Variants in CEP152 observed in about 807,000 individuals in gnomAD.
CEP152 encodes the protein centrosomal protein 152.
In CEP152, 132 loss-of-function variants were observed where a neutral mutation model predicts 188.9. The ratio of observed to expected loss-of-function variants is 0.70; its 90% CI spans 0.61 to 0.81. The LOEUF is 0.81. Among genes scored for constraint, CEP152 ranks in the 30% least tolerant of loss-of-function variants. The probability of loss-of-function intolerance (pLI) is 0.00; values close to 1 mark genes in which losing one functional copy is unlikely to be tolerated. For synonymous variants in CEP152, 649 were observed against 666.6 expected (o/e 0.97, Z 0.41); for missense variants, 1,914 against 1,969.8 (o/e 0.97, Z 0.54).
chr15:48,754,604 C>T (rs535548485), intron 20 of CEP152, among the ~76,000 whole-genome samples: 5 of 152,134 alleles, frequency 3.3e-5, no homozygotes, highest in Non-Finnish European at 5.9e-5. Context: ...AAGGCAACTA[C>T]TCGGTAGCAA....
chr15:48,761,876 T>C (rs926282590), intron 18 of CEP152, among the ~76,000 whole-genome samples: 2 of 152,216 alleles, frequency 1.3e-5, no homozygotes, highest in Non-Finnish European at 2.9e-5. Flanking sequence ...AAGCTAGTTT[T>C]GTGAGTGCCT....
At chr15:48,755,044 C>T (rs566264390) in intron 20 of CEP152, among the ~76,000 whole-genome samples, 1 of 151,794 alleles carries the variant, frequency 6.6e-6, no homozygotes, top group South Asian at 2.1e-4. Context: ...CCTCTAATCC[C>T]AAATGTTGAA....
chr15:48,758,784 A>G (rs1046704901), intron 19 of CEP152, among the ~76,000 whole-genome samples: 12 of 150,994 alleles, frequency 7.9e-5, no homozygotes, highest in African/African-American at 2.2e-4. Context: ...CATTATCTCT[A>G]GGAGGAAAGC....
At chr15:48,783,138 A>G (rs948582311) in intron 10 of CEP152, 1 of 152,226 alleles carries the variant, frequency 6.6e-6, no homozygotes, top group Admixed American at 6.5e-5. Flanking sequence ...TGTTTTCACA[A>G]TGTGAGCTAC....
intron 1 of CEP152, among the ~76,000 whole-genome samples, chr15:48,807,460 AAGG>A (rs1898053851): frequency 6.6e-6 from 1 of 152,020 alleles, no homozygotes; most frequent in Non-Finnish European, 1.5e-5. Flanking sequence ...GAGGCTGAGG[AAGG>A]AGAAGGGCGT....
intron 21 of CEP152, among the ~76,000 whole-genome samples, chr15:48,749,932 C>A (rs1747069427): frequency 6.6e-6 from 1 of 151,884 alleles, no homozygotes; most frequent in South Asian, 2.1e-4. Flanking sequence ...ATTTACTGTA[C>A]TAAGGTTAAA....
rs866776931 is a variant in CEP152, at chr15:48,752,481, T to C, written c.3346-12A>G. 1 of 1,612,890 alleles carries C rather than the reference T, an allele frequency of 6.2e-7. No homozygotes were observed. Among genetic ancestry groups the C allele is most frequent in the African/African-American group, 1.3e-5 (1 of 75,012 alleles). On this transcript the variant is annotated splice_polypyrimidine_tract_variant and intron_variant, in intron 20 of 26. Transcript: ENST00000380950. The stretch of plus-strand genomic sequence containing the variant: ...TCGGCCATATTTCTCTGAAATAAAG[T>C]ATCTTCAAAGTTAATGCTTAGTAAA...
chr15:48,787,371 A>G (rs1896731350), intron 9 of CEP152, among the ~76,000 whole-genome samples: 1 of 151,654 alleles, frequency 6.6e-6, no homozygotes, highest in Non-Finnish European at 1.5e-5. Flanking sequence ...AGGATTCACT[A>G]TTTTGCCCAG....
downstream of CEP152, among the ~76,000 whole-genome samples, chr15:48,733,646 A>G (rs1028151765): frequency 6.6e-6 from 1 of 152,206 alleles, no homozygotes; most frequent in Non-Finnish European, 1.5e-5. Flanking sequence ...TATTAAAAGG[A>G]TAAATCTAGA....
Position 48,756,127 on chromosome 15 carries a change from G to T in CEP152, c.3121C>A (p.Gln1041Lys). ...ACAGTCAGGATGTCTTCCTCATACT[G>T]ATAGATTTCCAGTTGGATCCGCTTG... ...EAKRIQLEIY[Q>K]YEEDILTVLG... is the part of the protein sequence containing the mutation. Residue 1041 changes from glutamine (Q) to lysine (K), a missense_variant, in exon 20 of 27, where the codon CAG becomes AAG. By Grantham distance (53) the Gln-to-Lys change is moderately conservative. Transcript: ENST00000380950. The T allele has an allele frequency of 6.2e-7, 1 of 1,614,060 alleles. No individual in the cohort carries two copies.
At chr15:48,781,508 T>C in intron 11 of CEP152, 149 bp from the exon 12 acceptor site, 1 of 622,582 alleles carries the variant, frequency 1.6e-6, no homozygotes, top group Non-Finnish European at 2.8e-6. Flanking sequence ...TTTATAAAGG[T>C]CGGCATATAT....
chr15:48,798,302 T>C (rs1296961577), intron 2 of CEP152, among the ~76,000 whole-genome samples: 2 of 151,628 alleles, frequency 1.3e-5, no homozygotes, highest in South Asian at 2.1e-4. Flanking sequence ...TAAATACACA[T>C]AGAGCAGAAT....
intron 22 of CEP152, among the ~76,000 whole-genome samples, chr15:48,746,761 C>T (rs941775969): frequency 6.6e-6 from 1 of 152,036 alleles, no homozygotes; most frequent in Admixed American, 6.6e-5. Flanking sequence ...GAAGTACAGA[C>T]AGCAAATGAT....
At chr15:48,788,326 CTTTTTTTTTTTT>C (rs538514112) in intron 9 of CEP152, among the ~76,000 whole-genome samples, 3 of 97,064 alleles carry the variant, frequency 3.1e-5, no homozygotes, top group Non-Finnish European at 6.1e-5. Flanking sequence ...TCACTGGCTT[CTTTTTTTTTTTT>C]TTTTTTTTTT....
chr15:48,753,202 G>A (rs140092201), intron 20 of CEP152, among the ~76,000 whole-genome samples: 6 of 152,230 alleles, frequency 3.9e-5, no homozygotes, highest in Admixed American at 6.5e-5. Context: ...GCATTGGCGC[G>A]ATCTCAGCTC....
intron 2 of CEP152, among the ~76,000 whole-genome samples, chr15:48,804,878 C>A (rs77377526): frequency 0.028 from 4,215 of 152,294 alleles, 270 homozygotes; most frequent in East Asian, 0.15. Context: ...CATATATACC[C>A]AATACCATGG....
chr15:48,754,266 C>T (rs2079061217), intron 20 of CEP152, among the ~76,000 whole-genome samples: 1 of 152,068 alleles, frequency 6.6e-6, no homozygotes, highest in Non-Finnish European at 1.5e-5. Flanking sequence ...CATTAAGTCA[C>T]ACAGATGATC....
rs376452872 is a variant in CEP152, at chr15:48,781,208, G to C, written c.1565C>G (p.Ser522Cys). ...LGIKKVNWKK[S>C]KVTSIVQEED... ...ATTCTTTCCATACCTGGTAACTTTG[G>C]ATTTTTTCCAGTTGACCTTTTTAAT... The change falls in exon 12 of 27, where the codon TCC becomes TGC. Residue 522 changes from serine to cysteine, a missense_variant. By Grantham distance (112) the Ser-to-Cys change is moderately radical. Coordinates refer to ENST00000380950, the MANE Select transcript of CEP152 (RefSeq NM_001194998.2). 114 of 1,613,254 alleles carry C rather than the reference G, an allele frequency of 7.1e-5. No homozygotes were observed. The African/African-American group carries it at 1.2e-3, about 18-fold the overall frequency.
chr15:48,808,952 C>T (rs1195399886), intron 1 of CEP152, among the ~76,000 whole-genome samples: 2 of 152,054 alleles, frequency 1.3e-5, no homozygotes, highest in East Asian at 3.8e-4. Flanking sequence ...GACTTTCTTC[C>T]TAGATAACTT....
Sources: allele counts gnomAD v4.1 joint callset (sites outside exome capture counted in the v4.1 genomes callset), GRCh38; gene constraint gnomAD v4.1.1; transcripts MANE v1.5; gene names NCBI Gene and HGNC (gene_info 2026-07-23, HGNC 2026-07-21).